The following DPP7 variants were observed in gnomAD, a reference collection of about 807,000 sequenced individuals.
DPP7 encodes the protein dipeptidyl peptidase 2.
In DPP7, 74 loss-of-function variants were observed where a neutral mutation model predicts 58.8. The ratio of observed to expected loss-of-function variants is 1.26; its 90% CI spans 1.04 to 1.53. The LOEUF is 1.53. Among genes scored for constraint, DPP7 ranks in the 40% most tolerant of loss-of-function variants. The pLI, the probability that DPP7 is intolerant of heterozygous loss-of-function variation, is 0.00. For synonymous variants in DPP7, 350 were observed against 303.6 expected (o/e 1.15, Z -1.59); for missense variants, 807 against 692.3 (o/e 1.17, Z -1.86).
In DPP7 at chr9:137,110,755, C is replaced by A; in HGVS notation, c.1372G>T (p.Val458Leu). The change falls in exon 13 of 13, where the codon GTG becomes TTG. Residue 458 changes from valine (V) to leucine (L), a missense_variant. By Grantham distance (32) the Val-to-Leu change is conservative. Transcript: ENST00000371579. The part of the protein sequence containing the change: ...RASHPEDPAS[V>L]VEARKLEATI... ...GCCTCCAGCTTCCGCGCCTCAACCA[C>A]GGAAGCAGGATCTTCTGGGTGGGAG... The A allele has an allele frequency of 6.2e-7, 1 of 1,606,468 alleles. No individual in the cohort carries two copies.
At chr9:137,117,002 T>C (rs1380187367), upstream of DPP7, among the ~76,000 whole-genome samples, 4 of 152,212 alleles carry the variant, frequency 2.6e-5, no homozygotes, top group Admixed American at 6.5e-5. Flanking sequence ...CTTGCTGACC[T>C]CTGCTCTGCT....
At chr9:137,112,688 A>AC in intron 8 of DPP7, 57 bp downstream of exon 8, 1 of 1,552,570 alleles carries the variant, frequency 6.4e-7, no homozygotes, top group Non-Finnish European at 8.7e-7. Flanking sequence ...CGGCCCCAGG[A>AC]CCCAAGCCAA....
At position 137,113,271 on chromosome 9, in the gene DPP7, C is replaced by G. The variant is rs1338570586; in HGVS notation, c.638G>C (p.Ser213Thr). 2 of 1,613,808 alleles carry G rather than the reference C, an allele frequency of 1.2e-6. No homozygotes were observed. Among genetic ancestry groups the G allele is most frequent in the Non-Finnish European group, 1.7e-6 (2 of 1,179,990 alleles). ...CCGCACACCCTGGGTGCATTTGGGACTCTGGCCCTCAAAGTCCTGGGGGAA... is the reference window on the plus strand; with the variant it reads ...CCGCACACCCTGGGTGCATTTGGGAGTCTGGCCCTCAAAGTCCTGGGGGAA... Reference protein sequence around the residue: ...RDVTADFEGQSPKCTQGVREA... With the variant: ...RDVTADFEGQTPKCTQGVREA... The change falls in exon 6 of 13, where the codon AGT becomes ACT. Residue 213 changes from serine to threonine, a missense_variant. Ser to Thr is a moderately conservative substitution (Grantham distance 58). Transcript: ENST00000371579.
At chr9:137,116,371 T>C (rs550302779), upstream of DPP7, among the ~76,000 whole-genome samples, 3 of 152,326 alleles carry the variant, frequency 2.0e-5, no homozygotes, top group African/African-American at 7.2e-5. Context: ...GCTGGTAACC[T>C]GTAACCTTAG....
rs1342121019 is a variant in DPP7, at chr9:137,114,463, C to A, written c.181G>T (p.Asp61Tyr). 1.3e-6 allele frequency: 2 copies of A among 1,566,708 alleles called. No homozygotes were observed. Among genetic ancestry groups the A allele is most frequent in the Middle Eastern group, 4.1e-4 (2 of 4,858 alleles). The change falls in exon 2 of 13, where the codon GAC becomes TAC. Residue 61 changes from aspartate (D) to tyrosine (Y), a missense_variant and splice_region_variant. This residue lies in a region of DPP7 where 168 missense variants were observed against 124.1 expected (regional missense o/e 1.35). Transcript: ENST00000371579. ...GGCCGGGCCGGGGCCGGGGTCTCAC[C>A]CGACACCAGGAAGCGCTGAGGGAAG... The part of the protein sequence containing the change: ...KTFPQRFLVS[D>Y]RFWVRGEGPI...
chr9:137,113,649 A>G, intron 4 of DPP7, 153 bp from the exon 5 acceptor site: 1 of 1,428,414 alleles, frequency 7.0e-7, no homozygotes, highest in Non-Finnish European at 9.1e-7. Flanking sequence ...TCTCACTGGG[A>G]AAGGCCGCTA....
At position 137,113,564 on chromosome 9, in the gene DPP7, G is replaced by A. The variant is rs749644713; in HGVS notation, c.486-68C>T. 6 of 1,491,404 alleles carry A rather than the reference G, an allele frequency of 4.0e-6. No individual in the cohort carries two copies. The Admixed American group carries it at 7.2e-5, about 18-fold the overall frequency. The allele number at this position is 1,491,404 out of a possible 1,614,324, so 92.4% of individuals were successfully genotyped here. A position where few individuals can be genotyped will look rare whatever the true frequency, so the allele number is the denominator to read the frequency against. On this transcript the variant is annotated intron_variant, in intron 4 of 12. Coordinates refer to ENST00000371579, the MANE Select transcript of DPP7 (RefSeq NM_013379.3). ...CCATTTCCTCTTTTCCTCCTCAGGG[G>A]CCCACAGGTGCCACAAGGAGGACGA... is the stretch of plus-strand genomic sequence containing the variant.
Position 137,113,433 on chromosome 9 carries a change from CAG to C in DPP7, c.547_548del (p.Leu183GlyfsTer27), listed in dbSNP as rs1323142016. 1 of 1,605,148 alleles carries C rather than the reference CAG, an allele frequency of 6.2e-7. No individual in the cohort carries two copies. The highest frequency in any genetic ancestry group is 8.5e-7 in the Non-Finnish European group (1 of 1,174,974). On this transcript the variant is annotated frameshift_variant, in exon 5 of 13. Transcript: ENST00000371579. LOFTEE classifies it high-confidence loss of function. ...MKYPHLVAGA[L>X]AASAPVLAVA... ...CAGCTAGAACGGGCGCGCTGGCCGCCAGCGCCCCCGCCACCAGGTGGGGATAC... is the reference window on the plus strand; with the variant it reads ...CAGCTAGAACGGGCGCGCTGGCCGCCCGCCCCCGCCACCAGGTGGGGATAC...
At position 137,111,889 on chromosome 9, in the gene DPP7, G is replaced by A. The variant is rs770121396; in HGVS notation, c.1191C>T (p.Thr397=). ...CAGCCTTACCACCCCCCCAGAAGCT[G>A]GTCAGCAGCCAGTCGGGCCGGGGCC... is the stretch of plus-strand genomic sequence containing the variant. ...GVWPRPDWLL[T]SFWGGDLRAA... The change falls in exon 10 of 13, where the codon ACC becomes ACT. Residue 397 remains threonine, a synonymous_variant. Coordinates refer to ENST00000371579, the MANE Select transcript of DPP7 (RefSeq NM_013379.3). 4 of 1,612,002 alleles carry A rather than the reference G, an allele frequency of 2.5e-6. No individual in the cohort carries two copies. The highest frequency in any genetic ancestry group is 3.3e-5 in the Admixed American group (2 of 59,870).
upstream of DPP7, among the ~76,000 whole-genome samples, chr9:137,116,426 G>C (rs903588326): frequency 1.3e-5 from 2 of 152,262 alleles, no homozygotes; most frequent in African/African-American, 4.8e-5. Flanking sequence ...TTGACTCAAG[G>C]TTTAGGGGAT....
rs760529556 is a variant in DPP7 at position 137,113,442 on chromosome 9, C to T, written c.540G>A (p.Ala180=). The T allele has an allele frequency of 1.1e-5, 17 of 1,604,928 alleles. No homozygotes were observed. The highest frequency in any genetic ancestry group is 4.5e-5 in the East Asian group (2 of 44,682). ...CGGGCGCGCTGGCCGCCAGCGCCCC[C>T]GCCACCAGGTGGGGATACTTCATCC... ...YLRMKYPHLV[A]GALAASAPVL... Residue 180 remains alanine (A), a synonymous_variant, in exon 5 of 13, where the codon GCG becomes GCA. Transcript: ENST00000371579.
chr9:137,115,577 CCTT>C (rs549600984), upstream of DPP7, among the ~76,000 whole-genome samples: 2 of 152,178 alleles, frequency 1.3e-5, no homozygotes, highest in East Asian at 1.9e-4. Context: ...GTTACCCTGT[CCTT>C]CTCCCAAGAC....
chr9:137,112,416 G>C (rs546362858), intron 8 of DPP7, 186 bp from the exon 9 acceptor site: 1 of 633,328 alleles, frequency 1.6e-6, no homozygotes, highest in East Asian at 2.8e-5. Context: ...TGCCAGCCCC[G>C]GGCCTGACTG....
chr9:137,116,707 G>A (rs1022309616), upstream of DPP7, among the ~76,000 whole-genome samples: 1 of 152,222 alleles, frequency 6.6e-6, no homozygotes, highest in African/African-American at 2.4e-5. Context: ...GTGAAAGAGG[G>A]AGGCCTCTTT....
In DPP7 at chr9:137,112,795, T is replaced by C. The variant is rs372674817; in HGVS notation, c.881A>G (p.Asp294Gly). Reference sequence around the variant, plus strand: ...CCTCTGGGCCTCACTCAGCAGCCGATCACAGCCCACCTGGAGTGCAGGGGC... The same window carrying C: ...CCTCTGGGCCTCACTCAGCAGCCGACCACAGCCCACCTGGAGTGCAGGGGC... ...LPANPVKVGC[D>G]RLLSEAQRIT... Residue 294 changes from aspartate (D) to glycine (G), a missense_variant, in exon 8 of 13, where the codon GAT becomes GGT. Physicochemically the swap from Asp to Gly is moderately conservative, Grantham distance 94. Coordinates refer to ENST00000371579, the MANE Select transcript of DPP7 (RefSeq NM_013379.3). 1.4e-5 allele frequency: 22 copies of C among 1,609,742 alleles called. No homozygotes were observed. The highest frequency in any genetic ancestry group is 1.8e-5 in the Non-Finnish European group (21 of 1,179,510).
upstream of DPP7, among the ~76,000 whole-genome samples, chr9:137,116,108 C>G (rs915476046): frequency 6.6e-6 from 1 of 152,186 alleles, no homozygotes; most frequent in South Asian, 2.1e-4. Context: ...GCTGGGCCCA[C>G]AGAGGGGCCA....
chr9:137,115,068 C>G (rs1490836990), upstream of DPP7: 1 of 211,770 alleles, frequency 4.7e-6, no homozygotes, highest in Non-Finnish European at 9.3e-6. Flanking sequence ...CACTCCAAGG[C>G]AGGGCCGGGA....
At chr9:137,113,175 C>CAGGCAGTGGG (rs756923627) in intron 6 of DPP7, 31 bp downstream of exon 6, 1 of 1,613,718 alleles carries the variant, frequency 6.2e-7, no homozygotes, top group Non-Finnish European at 8.5e-7. Flanking sequence ...TGGGGCGGGT[C>CAGGCAGTGGG]AGGCAGTGGG....
chr9:137,111,261 GGGGC>G (rs1329072617), intron 11 of DPP7, among the ~76,000 whole-genome samples: 35 of 123,208 alleles, frequency 2.8e-4, no homozygotes, highest in Admixed American at 6.7e-4. Flanking sequence ...GAGCAGGGTA[GGGGC>G]AGGCGAGGGG....
Sources: gnomAD v4.1 joint callset for allele counts (sites outside exome capture counted in the v4.1 genomes callset) on GRCh38, gnomAD v4.1.1 for gene constraint, gnomAD v4.1.1 regional missense constraint, MANE v1.5 for transcripts, NCBI Gene and HGNC (gene_info 2026-07-23, HGNC 2026-07-21) for gene names.